The following PNLDC1 variants were observed in gnomAD, a reference collection of about 807,000 sequenced individuals.
PNLDC1 encodes poly(A)-specific ribonuclease PNLDC1.
A neutral mutation model predicts 82.0 loss-of-function variants in PNLDC1; 70 were observed. That is an observed-to-expected ratio of 0.85 (90% CI 0.70 to 1.04). PNLDC1 has a LOEUF of 1.04. PNLDC1 is among the 50% of genes least tolerant of loss of function. The pLI is 0.00. For missense variants in PNLDC1, 631 were observed against 661.1 expected (o/e 0.95, Z 0.50); for synonymous variants, 280 against 249.3 (o/e 1.12, Z -1.16).
At position 159,800,844 on chromosome 6, in the gene PNLDC1, G is replaced by GT; in HGVS notation, c.134+16dup. ...CAGCAGATCAGGTAAAACTAAAGCTGTGTCCCCTCTGTATAAGAGCCTGGC... is the reference window on the plus strand; with the variant it reads ...CAGCAGATCAGGTAAAACTAAAGCTGTTGTCCCCTCTGTATAAGAGCCTGGC... On this transcript the variant is annotated intron_variant, in intron 2 of 18. Transcript: ENST00000392167. The GT allele has an allele frequency of 6.2e-7, 1 of 1,614,054 alleles. No homozygotes were observed. The highest frequency in any genetic ancestry group is 8.5e-7 in the Non-Finnish European group (1 of 1,179,942).
Position 159,808,277 on chromosome 6 carries a change from G to A in PNLDC1, c.563-463G>A, listed in dbSNP as rs143161008. 3.3e-4 allele frequency among the ~76,000 whole-genome samples: 51 copies of A among 152,294 alleles called. No homozygotes were observed. The East Asian group carries it at 6.4e-3, about 19-fold the overall frequency. Reference sequence around the variant, plus strand: ...TATCAACAGATTGGATGCAAATGCCGATACAACATTCCAGCCAAATATTAG... The same window carrying A: ...TATCAACAGATTGGATGCAAATGCCAATACAACATTCCAGCCAAATATTAG... On this transcript the variant is annotated intron_variant, in intron 7 of 18. Transcript: ENST00000392167.
chr6:159,809,179 T>C (rs369163379), intron 9 of PNLDC1, 21 bp downstream of exon 9: 41 of 1,612,656 alleles, frequency 2.5e-5, no homozygotes, highest in Non-Finnish European at 3.2e-5. Context: ...ATGTCTCTTT[T>C]CTTGGCCTAA....
At chr6:159,820,386 C>T in intron 18 of PNLDC1, 68 bp from the exon 19 acceptor site, 11 of 1,493,790 alleles carry the variant, frequency 7.4e-6, no homozygotes, top group Non-Finnish European at 1.0e-5. Context: ...GGAGGAGGGG[C>T]AAGCCTGTGT....
At chr6:159,809,691 G>A (rs1484649901) in intron 9 of PNLDC1, among the ~76,000 whole-genome samples, 4 of 152,076 alleles carry the variant, frequency 2.6e-5, no homozygotes, top group Non-Finnish European at 4.4e-5. Flanking sequence ...GAAACAGTAC[G>A]ACTTCTCTGC....
intron 16 of PNLDC1, 96 bp downstream of exon 16, chr6:159,818,750 C>T (rs567733682): frequency 2.1e-5 from 27 of 1,308,204 alleles, no homozygotes; most frequent in East Asian, 7.0e-5. Flanking sequence ...AGAGGGATTT[C>T]GGTGGTCGGT....
chr6:159,800,306 C>A lies in PNLDC1; in HGVS notation c.-2C>A, dbSNP rs148594392. On this transcript the variant is annotated 5_prime_UTR_variant, in exon 1 of 19. Transcript: ENST00000392167. ...TGGGCGACTCCGCGGAGCTGCACGG[C>A]CATGGACGTGGGCGCCGACGAGTTC... 7.3e-4 allele frequency: 1,127 copies of A among 1,546,812 alleles called. 9 individuals are homozygous for A. The African/African-American group carries it at 0.014, about 19-fold the overall frequency.
chr6:159,804,416 A>T, intron 5 of PNLDC1, 133 bp from the exon 6 acceptor site: 1 of 683,864 alleles, frequency 1.5e-6, no homozygotes, highest in South Asian at 1.9e-5. Flanking sequence ...GGAATGTCTT[A>T]CAAGTGATCT....
In PNLDC1 at chr6:159,819,616, G is replaced by A. The variant is rs1299169576; in HGVS notation, c.1532+264G>A. ...GCTCTCGTGGAGCTCACGTGCTGGG[G>A]GAGACAAACAGGATAAACAAATGGA... On this transcript the variant is annotated intron_variant, in intron 18 of 18. Coordinates refer to ENST00000392167, the MANE Select transcript of PNLDC1 (RefSeq NM_001271862.2). This position sits in a 1 kb window ranked among gnomAD's most constrained non-coding sequence, Gnocchi z 4.6. 1.3e-5 allele frequency among the ~76,000 whole-genome samples: 2 copies of A among 152,224 alleles called. No homozygotes were observed. The highest frequency in any genetic ancestry group is 2.9e-5 in the Non-Finnish European group (2 of 68,044).
In PNLDC1 at chr6:159,800,863, G is replaced by A. The variant is rs376611070; in HGVS notation, c.134+34G>A. 1.2e-5 allele frequency: 19 copies of A among 1,613,766 alleles called. No individual in the cohort carries two copies. In the East Asian group the frequency reaches 4.2e-4, roughly 36 times the overall value. On this transcript the variant is annotated intron_variant, in intron 2 of 18. Transcript: ENST00000392167. The stretch of plus-strand genomic sequence containing the variant: ...AAAGCTGTGTCCCCTCTGTATAAGA[G>A]CCTGGCCAGACCAGCACTGTTTCTG...
Position 159,820,537 on chromosome 6 carries a change from G to GCA in PNLDC1, c.*20_*21insCA. The GCA allele has an allele frequency of 6.2e-7, 1 of 1,612,894 alleles. No individual in the cohort carries two copies. The highest frequency in any genetic ancestry group is 1.1e-5 in the South Asian group (1 of 91,068). ...ACCTGAGTGCAGCGAGGCCTCCTGC[G>GCA]GCCACCCTCGGGTCCCCATGCTCTC... On this transcript the variant is annotated 3_prime_UTR_variant, in exon 19 of 19. Transcript: ENST00000392167.
intron 14 of PNLDC1, 105 bp downstream of exon 14, chr6:159,816,701 C>T (rs552556794): frequency 1.2e-5 from 12 of 1,016,556 alleles, no homozygotes; most frequent in Middle Eastern, 3.1e-4. Context: ...GTGAGGATCT[C>T]GGCTCACTGC....
At chr6:159,820,397 C>A in intron 18 of PNLDC1, 57 bp from the exon 19 acceptor site, 1 of 1,545,476 alleles carries the variant, frequency 6.5e-7, no homozygotes, top group Non-Finnish European at 8.9e-7. Flanking sequence ...AAGCCTGTGT[C>A]GGTGCCTCTC....
Position 159,801,187 on chromosome 6 carries a change from G to C in PNLDC1, c.208+1G>C, listed in dbSNP as rs1781240030. ...CAGCAATTTACAGTCTGTCAGATTG[G>C]TGAGTTTAATATCAGCTGTTAGAGT... On this transcript the variant is annotated splice_donor_variant, in intron 3 of 18. Transcript: ENST00000392167. LOFTEE classifies it high-confidence loss of function. 1.2e-6 allele frequency: 2 copies of C among 1,612,928 alleles called. No homozygotes were observed. The highest frequency in any genetic ancestry group is 3.3e-5 in the Admixed American group (2 of 60,000).
chr6:159,807,435 G>A (rs1016567994), intron 7 of PNLDC1, among the ~76,000 whole-genome samples: 51 of 152,022 alleles, frequency 3.4e-4, no homozygotes, highest in Admixed American at 2.4e-3. Flanking sequence ...AAGATAACTC[G>A]CAGTATTTCC....
intron 15 of PNLDC1, among the ~76,000 whole-genome samples, 156 bp downstream of exon 15, chr6:159,817,307 C>T (rs1186504511): frequency 2.0e-5 from 3 of 152,224 alleles, no homozygotes; most frequent in Admixed American, 2.0e-4. Flanking sequence ...GACTGGGCAG[C>T]AGCCCACAAA....
chr6:159,804,822 C>G (rs925740847), intron 6 of PNLDC1, among the ~76,000 whole-genome samples, 185 bp downstream of exon 6: 11 of 152,220 alleles, frequency 7.2e-5, no homozygotes, highest in African/African-American at 2.4e-4. Context: ...TTTCACCTGT[C>G]TCCATCATGT....
At position 159,817,058 on chromosome 6, in the gene PNLDC1, C is replaced by T. The variant is rs1451967031; in HGVS notation, c.1115-51C>T. On this transcript the variant is annotated intron_variant, in intron 14 of 18. Coordinates refer to ENST00000392167, the MANE Select transcript of PNLDC1 (RefSeq NM_001271862.2). ...TGCACATAATGAGATAAAGCATAAG[C>T]ATGCACATTTTGATAAGCTCTATTG... The T allele has an allele frequency of 2.0e-6, 3 of 1,512,450 alleles. No individual in the cohort carries two copies. In the Admixed American group the frequency reaches 5.0e-5, roughly 25 times the overall value. The allele number at this position is 1,512,450 out of a possible 1,614,324, so 93.7% of individuals were successfully genotyped here.
intron 14 of PNLDC1, among the ~76,000 whole-genome samples, 162 bp downstream of exon 14, chr6:159,816,758 G>A (rs538503449): frequency 4.0e-5 from 6 of 151,682 alleles, no homozygotes; most frequent in South Asian, 2.1e-4. Context: ...TCAGCTTCCC[G>A]AGTAGCTGGG....
rs1781328592 is a variant in PNLDC1 at position 159,803,272 on chromosome 6, A to G, written c.210A>G (p.Gly70=). The change falls in exon 4 of 19, where the codon GGA becomes GGG. Residue 70 remains glycine (G), a splice_region_variant and synonymous_variant. Transcript: ENST00000392167. Reference sequence around the variant, plus strand: ...TTCCCTCTACGGTCATTCTTCCAGGATTGTCTGTGTTTTCCGCTATTGAAG... The same window carrying G: ...TTCCCTCTACGGTCATTCTTCCAGGGTTGTCTGTGTTTTCCGCTATTGAAG... The part of the protein sequence containing the change: ...SVQQFTVCQI[G]LSVFSAIEGE... The G allele has an allele frequency of 6.2e-7, 1 of 1,613,768 alleles. No homozygotes were observed. The highest frequency in any genetic ancestry group is 1.7e-5 in the Admixed American group (1 of 59,972).
Sources: allele counts gnomAD v4.1 joint callset (sites outside exome capture counted in the v4.1 genomes callset), GRCh38; gene constraint gnomAD v4.1.1; non-coding constraint Gnocchi (gnomAD v3.1); transcripts MANE v1.5; gene names NCBI Gene and HGNC (gene_info 2026-07-23, HGNC 2026-07-21).